MDH1: variants seen among roughly 807,000 people sequenced by gnomAD.
MDH1 encodes malate dehydrogenase 1.
Under a neutral mutation model 38.7 loss-of-function variants are expected in MDH1, and 15 were observed. That is an observed-to-expected ratio of 0.39 (90% CI 0.26 to 0.60). The LOEUF (loss-of-function observed/expected upper bound fraction) is 0.60. MDH1 is among the 20% of genes least tolerant of loss of function. The pLI is 0.56. For missense variants in MDH1, 368 were observed against 405.2 expected, an observed-to-expected ratio of 0.91 and a Z score of 0.79; for synonymous variants, 144 against 143.6, an observed-to-expected ratio of 1.00 and a Z score of -0.02.
At chr2:63,597,860 A>G (rs776378757) in intron 4 of MDH1, 8 of 203,758 alleles carry the variant, frequency 3.9e-5, no homozygotes, top group Admixed American at 1.8e-4. Flanking sequence ...CTTCTGGTGC[A>G]TTTTTGCTGC....
chr2:63,605,593 T>C (rs1458735269), intron 7 of MDH1, among the ~76,000 whole-genome samples, 200 bp downstream of exon 7: 1 of 152,242 alleles, frequency 6.6e-6, no homozygotes, highest in East Asian at 1.9e-4. Context: ...ACATTACTAT[T>C]ATACACAGGG....
At chr2:63,595,000 A>G (rs1709277795) in intron 2 of MDH1, 2 of 269,536 alleles carry the variant, frequency 7.4e-6, no homozygotes, top group Admixed American at 1.0e-4. Context: ...CCTGATTAAT[A>G]TACACTAAAA....
chr2:63,595,330 A>C, intron 2 of MDH1, 93 bp from the exon 3 acceptor site: 1 of 790,304 alleles, frequency 1.3e-6, no homozygotes, highest in East Asian at 2.5e-5. Flanking sequence ...AATTACATGC[A>C]TGTACATACC....
intron 8 of MDH1, 75 bp downstream of exon 8, chr2:63,606,103 C>A: frequency 7.5e-7 from 1 of 1,334,406 alleles, no homozygotes; most frequent in Non-Finnish European, 1.1e-6. Context: ...TATTATTGGC[C>A]AGGCACAGTG....
chr2:63,599,274 C>T lies in MDH1; in HGVS notation c.480C>T (p.His160=), dbSNP rs1709377262. The T allele has an allele frequency of 6.2e-7, 1 of 1,613,284 alleles. No individual in the cohort carries two copies. The highest frequency in any genetic ancestry group is 1.3e-5 in the African/African-American group (1 of 75,024). ...ENFSCLTRLD[H]NRAKAQIALK... is the part of the protein sequence containing the mutation. ...TCAGTTGCTTGACTCGTTTGGATCA[C>T]AACCGAGCTAAAGCTCAAGTAAGAA... Residue 160 remains histidine (H), a synonymous_variant, in exon 5 of 9, where the codon CAC becomes CAT. Coordinates refer to ENST00000233114, the MANE Select transcript of MDH1 (RefSeq NM_005917.4).
chr2:63,605,475 G>C (rs1204670135), intron 7 of MDH1, 82 bp downstream of exon 7: 2 of 1,008,486 alleles, frequency 2.0e-6, no homozygotes, highest in East Asian at 2.5e-5. Context: ...TATAGCCTTA[G>C]CAGTCAGTCA....
intron 3 of MDH1, among the ~76,000 whole-genome samples, chr2:63,597,107 A>C (rs1224169975): frequency 6.6e-6 from 1 of 152,242 alleles, no homozygotes; most frequent in Non-Finnish European, 1.5e-5. Context: ...GTGTCACTTC[A>C]AAAGTCATCA....
At position 63,607,086 on chromosome 2, in the gene MDH1, G is replaced by A. The variant is rs2106632014; in HGVS notation, c.*99G>A. The stretch of plus-strand genomic sequence containing the variant: ...TAATAATGCTATACTTAAATTACTT[G>A]TGAAAAACAACACATTTTAAAGATT... On this transcript the variant is annotated 3_prime_UTR_variant, in exon 9 of 9. Transcript: ENST00000233114. 1 of 1,216,442 alleles carries A rather than the reference G, an allele frequency of 8.2e-7. No individual in the cohort carries two copies. Among genetic ancestry groups the A allele is most frequent in the South Asian group, 1.7e-5 (1 of 60,360 alleles). 75.4% of individuals were successfully genotyped at this position (1,216,442 alleles called of 1,614,324 possible). A position where few individuals can be genotyped will look rare whatever the true frequency, so the allele number is the denominator to read the frequency against.
chr2:63,590,816 A>G (rs1370902986), intron 1 of MDH1: 1 of 152,276 alleles, frequency 6.6e-6, no homozygotes. Flanking sequence ...AAACTCACAC[A>G]TGACTCAATT....
At chr2:63,601,881 C>G (rs1709425025) in intron 5 of MDH1, among the ~76,000 whole-genome samples, 1 of 152,146 alleles carries the variant, frequency 6.6e-6, no homozygotes, top group African/African-American at 2.4e-5. Context: ...TTTCTATATA[C>G]CATACCAGCT....
chr2:63,597,272 T>C, intron 3 of MDH1, 127 bp from the exon 4 acceptor site: 1 of 1,243,760 alleles, frequency 8.0e-7, no homozygotes, highest in Non-Finnish European at 1.0e-6. Flanking sequence ...GCTCCTGAAA[T>C]GTATATCAGT....
chr2:63,605,992 T>C lies in MDH1; in HGVS notation c.843T>C (p.Pro281=). The C allele has an allele frequency of 6.2e-7, 1 of 1,614,192 alleles. No individual in the cohort carries two copies. Among genetic ancestry groups the C allele is most frequent in the Non-Finnish European group, 8.5e-7 (1 of 1,180,006 alleles). Reference sequence around the variant, plus strand: ...CTGATGGCAACTCCTATGGTGTTCCTGATGATCTGCTCTACTCATTCCCTG... The same window carrying C: ...CTGATGGCAACTCCTATGGTGTTCCCGATGATCTGCTCTACTCATTCCCTG... ...VISDGNSYGV[P]DDLLYSFPVV... Residue 281 remains proline (P), a synonymous_variant, in exon 8 of 9, where the codon CCT becomes CCC. Transcript: ENST00000233114.
At chr2:63,591,667 C>T (rs988915154) in intron 1 of MDH1, among the ~76,000 whole-genome samples, 4 of 152,180 alleles carry the variant, frequency 2.6e-5, no homozygotes, top group Non-Finnish European at 4.4e-5. Context: ...CCTAACCTTC[C>T]TTCATTCAAC....
intron 1 of MDH1, among the ~76,000 whole-genome samples, chr2:63,591,602 C>T (rs1044564599): frequency 6.6e-6 from 1 of 152,218 alleles, no homozygotes; most frequent in African/African-American, 2.4e-5. Context: ...TTCAGCCCCC[C>T]TTTTCTTATC....
At chr2:63,604,920 TGAGA>T in intron 6 of MDH1, 48 bp downstream of exon 6, 2 of 1,588,112 alleles carry the variant, frequency 1.3e-6, no homozygotes, top group Non-Finnish European at 1.7e-6. Context: ...AAAGAACTCT[TGAGA>T]GACTCTTAGG....
chr2:63,590,772 A>G (rs921359358), intron 1 of MDH1: 1 of 152,210 alleles, frequency 6.6e-6, no homozygotes, highest in Admixed American at 6.5e-5. Flanking sequence ...AACATGAGGA[A>G]GAATTTGTCT....
intron 2 of MDH1, 64 bp downstream of exon 2, chr2:63,594,650 A>T: frequency 5.2e-6 from 6 of 1,155,770 alleles, no homozygotes; most frequent in Non-Finnish European, 7.7e-6. Context: ...AAAAATCTGT[A>T]TTTAGTTGTA....
chr2:63,598,526 T>C (rs543115811), intron 4 of MDH1, among the ~76,000 whole-genome samples: 1 of 152,300 alleles, frequency 6.6e-6, no homozygotes, highest in East Asian at 1.9e-4. Flanking sequence ...TTCCATATAC[T>C]TTCCTATCTT....
At chr2:63,594,330 A>T (rs757551035) in intron 1 of MDH1, 158 bp from the exon 2 acceptor site, 1 of 740,962 alleles carries the variant, frequency 1.3e-6, no homozygotes, top group Non-Finnish European at 2.5e-6. Context: ...CCACGTAAAT[A>T]TGCAGCACAT....
Sources: allele counts gnomAD v4.1 joint callset (sites outside exome capture counted in the v4.1 genomes callset), GRCh38; gene constraint gnomAD v4.1.1; transcripts MANE v1.5; gene names NCBI Gene and HGNC (gene_info 2026-07-23, HGNC 2026-07-21).